ADGRL4: variants seen among roughly 807,000 people sequenced by gnomAD.
ADGRL4 encodes adhesion G protein-coupled receptor L4, also known as EGF, latrophilin and seven transmembrane domain containing 1.
Under a neutral mutation model 74.8 loss-of-function variants are expected in ADGRL4, and 90 were observed. The ratio of observed to expected loss-of-function variants is 1.20; its 90% CI spans 1.02 to 1.43. The LOEUF is 1.43. ADGRL4 is among the 40% of genes most tolerant of loss of function. The probability of loss-of-function intolerance (pLI) is 0.00; values close to 1 mark genes in which losing one functional copy is unlikely to be tolerated. For missense variants in ADGRL4, 881 were observed against 814.3 expected (o/e 1.08, Z -1.00); for synonymous variants, 311 against 279.2 (o/e 1.11, Z -1.14).
chr1:78,945,924 T>C (rs1409311210), intron 3 of ADGRL4, among the ~76,000 whole-genome samples: 1 of 152,152 alleles, frequency 6.6e-6, no homozygotes, highest in African/African-American at 2.4e-5. Context: ...TTAATGCAAA[T>C]GACAATTTTC....
chr1:79,002,612 T>G (rs149782224), intron 2 of ADGRL4, among the ~76,000 whole-genome samples: 6 of 152,202 alleles, frequency 3.9e-5, no homozygotes, highest in African/African-American at 1.4e-4. Context: ...TTAGGTAGAA[T>G]AAACTGAATT....
At chr1:78,932,891 G>A (rs1346425732) in intron 7 of ADGRL4, among the ~76,000 whole-genome samples, 2 of 151,338 alleles carry the variant, frequency 1.3e-5, no homozygotes, top group Non-Finnish European at 2.9e-5. Flanking sequence ...TCGAATCCCT[G>A]AATAGACCAA....
intron 9 of ADGRL4, 22 bp from the exon 10 acceptor site, chr1:78,920,408 G>A: frequency 6.9e-7 from 1 of 1,448,486 alleles, no homozygotes; most frequent in Non-Finnish European, 9.5e-7. Context: ...TAATAATAAA[G>A]CAGTTAAAAG....
chr1:78,985,193 T>C (rs992000708), intron 2 of ADGRL4, among the ~76,000 whole-genome samples: 2 of 151,736 alleles, frequency 1.3e-5, no homozygotes, highest in East Asian at 1.9e-4. Flanking sequence ...CCAATATTTA[T>C]AATAGTCTAT....
chr1:78,918,241 A>C (rs1648925220), intron 10 of ADGRL4, among the ~76,000 whole-genome samples, 191 bp from the exon 11 acceptor site: 1 of 151,902 alleles, frequency 6.6e-6, no homozygotes, highest in African/African-American at 2.4e-5. Flanking sequence ...GCGTTTCATC[A>C]GCGTGAAATA....
At chr1:78,980,395 G>C (rs1650374467) in intron 2 of ADGRL4, among the ~76,000 whole-genome samples, 2 of 151,604 alleles carry the variant, frequency 1.3e-5, no homozygotes, top group Non-Finnish European at 2.9e-5. Context: ...TAAATATTTA[G>C]TAAAAACAAA....
intron 2 of ADGRL4, among the ~76,000 whole-genome samples, chr1:78,990,754 G>A (rs912796678): frequency 6.6e-6 from 1 of 151,878 alleles, no homozygotes; most frequent in African/African-American, 2.4e-5. Flanking sequence ...CTAAAATCAA[G>A]CATCTGCTTG....
intron 2 of ADGRL4, among the ~76,000 whole-genome samples, chr1:78,954,408 A>G (rs966589160): frequency 2.0e-5 from 3 of 152,134 alleles, no homozygotes; most frequent in African/African-American, 7.2e-5. Context: ...AATCTAACAT[A>G]AGAGAAAAAA....
intron 2 of ADGRL4, among the ~76,000 whole-genome samples, chr1:78,947,572 A>T (rs1351292678): frequency 6.6e-6 from 1 of 151,602 alleles, no homozygotes; most frequent in Non-Finnish European, 1.5e-5. Context: ...AATTTCTGAT[A>T]TTTTAAGCCA....
At chr1:78,991,083 C>A (rs1650599831) in intron 2 of ADGRL4, among the ~76,000 whole-genome samples, 2 of 152,136 alleles carry the variant, frequency 1.3e-5, no homozygotes, top group South Asian at 4.1e-4. Context: ...GACAGCAGCA[C>A]ATTCCTTCCC....
chr1:78,909,162 T>G (rs1444676581), intron 12 of ADGRL4, among the ~76,000 whole-genome samples: 1 of 151,952 alleles, frequency 6.6e-6, no homozygotes, highest in Admixed American at 6.6e-5. Context: ...GATGTTAAAT[T>G]AAAACACATA....
In ADGRL4 at chr1:78,927,699, T is replaced by C. The variant is rs148476986; in HGVS notation, c.878-608A>G. Among the ~76,000 whole-genome samples the C allele has an allele frequency of 9.1e-4, 138 of 152,096 alleles. 1 individual carries two copies. The highest frequency in any genetic ancestry group is 3.2e-3 in the African/African-American group (132 of 41,516). On this transcript the variant is annotated intron_variant, in intron 7 of 14. Transcript: ENST00000370742. ...TGCAGTGCACCAGCATATAACCAAA[T>C]AGCGCAAAATCATAAATACAAATAT... is the stretch of plus-strand genomic sequence containing the variant.
chr1:78,992,986 T>C (rs1650638673), intron 2 of ADGRL4, among the ~76,000 whole-genome samples: 1 of 152,112 alleles, frequency 6.6e-6, no homozygotes, highest in African/African-American at 2.4e-5. Context: ...TTTCTTAAGT[T>C]ATTTTTTTCT....
intron 2 of ADGRL4, among the ~76,000 whole-genome samples, chr1:78,983,490 G>C (rs1278299507): frequency 1.3e-5 from 2 of 151,062 alleles, no homozygotes; most frequent in Non-Finnish European, 3.0e-5. Flanking sequence ...CGAACTGGTT[G>C]AACAACAGAT....
At chr1:78,952,914 AAAAC>A (rs1262556570) in intron 2 of ADGRL4, among the ~76,000 whole-genome samples, 1 of 152,170 alleles carries the variant, frequency 6.6e-6, no homozygotes, top group Non-Finnish European at 1.5e-5. Context: ...GCCAGGAAAA[AAAAC>A]AAACAATACT....
chr1:78,921,888 T>G, intron 8 of ADGRL4, 102 bp from the exon 9 acceptor site: 1 of 603,552 alleles, frequency 1.7e-6, no homozygotes, highest in East Asian at 3.5e-5. Flanking sequence ...AAACAATGCC[T>G]TAACAGTGAA....
At chr1:78,981,145 C>T (rs530339738) in intron 2 of ADGRL4, among the ~76,000 whole-genome samples, 4 of 151,874 alleles carry the variant, frequency 2.6e-5, no homozygotes, top group African/African-American at 9.7e-5. Context: ...CCACTCTGGC[C>T]CCTCAACAAT....
chr1:78,913,500 T>A (rs1277100997), intron 12 of ADGRL4, among the ~76,000 whole-genome samples: 4 of 151,920 alleles, frequency 2.6e-5, no homozygotes, highest in East Asian at 1.9e-4. Context: ...GAGGTCATTA[T>A]CCTTTGCAAA....
intron 12 of ADGRL4, among the ~76,000 whole-genome samples, chr1:78,910,087 T>C (rs913001441): frequency 3.3e-5 from 5 of 151,756 alleles, no homozygotes; most frequent in African/African-American, 9.7e-5. Context: ...GAGTAAATAT[T>C]AAGAAAAATG....
Sources: allele counts gnomAD v4.1 joint callset (sites outside exome capture counted in the v4.1 genomes callset), GRCh38; gene constraint gnomAD v4.1.1; transcripts MANE v1.5; gene names NCBI Gene and HGNC (gene_info 2026-07-23, HGNC 2026-07-21).